Variants in GPC5 observed in about 807,000 individuals in gnomAD.
GPC5 encodes the protein glypican 5, also known as glypican-5.
GPC5 carries 47 observed loss-of-function variants against 53.9 expected under a neutral mutation model. The ratio of observed to expected loss-of-function variants is 0.87; its 90% CI spans 0.69 to 1.11. The LOEUF (loss-of-function observed/expected upper bound fraction) is 1.11, where lower values mean the gene tolerates loss of function less well. Ranked by LOEUF, GPC5 falls within the 50% of genes most tolerant of loss-of-function variation. The pLI, the probability that GPC5 is intolerant of heterozygous loss-of-function variation, is 0.00. For missense variants in GPC5, 748 were observed against 713.1 expected, an observed-to-expected ratio of 1.05 and a Z score of -0.56; for synonymous variants, 286 against 263.3, an observed-to-expected ratio of 1.09 and a Z score of -0.84.
intron 5 of GPC5, among the ~76,000 whole-genome samples, chr13:91,790,373 T>C (rs2037945511): frequency 6.6e-6 from 1 of 152,210 alleles, no homozygotes; most frequent in African/African-American, 2.4e-5. Flanking sequence ...TTAGTGATGC[T>C]TTTCTTGCCT....
chr13:92,187,238 T>C (rs1434591278), intron 7 of GPC5, among the ~76,000 whole-genome samples: 1 of 152,224 alleles, frequency 6.6e-6, no homozygotes, highest in East Asian at 1.9e-4. Context: ...AAGAATGGAT[T>C]GCAGTAGGTT....
intron 6 of GPC5, among the ~76,000 whole-genome samples, chr13:92,052,900 A>C (rs1200849834): frequency 6.6e-6 from 1 of 152,134 alleles, no homozygotes; most frequent in Non-Finnish European, 1.5e-5. Flanking sequence ...AGGAACCCTC[A>C]AGGGTCCCGA....
At chr13:92,039,521 G>A (rs1275762921) in intron 6 of GPC5, among the ~76,000 whole-genome samples, 2 of 152,212 alleles carry the variant, frequency 1.3e-5, no homozygotes, top group African/African-American at 4.8e-5. Flanking sequence ...GGAAATATTA[G>A]TTCAAGAAAA....
chr13:92,178,934 G>C (rs2042127507), intron 7 of GPC5, among the ~76,000 whole-genome samples: 1 of 152,082 alleles, frequency 6.6e-6, no homozygotes, highest in African/African-American at 2.4e-5. Flanking sequence ...TTGCACCTCT[G>C]TACTCCAGAC....
intron 5 of GPC5, among the ~76,000 whole-genome samples, chr13:91,766,724 G>A (rs1489640950): frequency 6.6e-6 from 1 of 152,126 alleles, no homozygotes; most frequent in East Asian, 1.9e-4. Context: ...ACTGTGTGTG[G>A]TGGCACATGC....
At chr13:91,758,573 G>C (rs2037344139) in intron 5 of GPC5, among the ~76,000 whole-genome samples, 1 of 152,006 alleles carries the variant, frequency 6.6e-6, no homozygotes, top group Admixed American at 6.6e-5. Context: ...AGTATTTTCA[G>C]CTCAATGAAT....
chr13:92,586,522 G>C (rs1312108040), intron 7 of GPC5, among the ~76,000 whole-genome samples: 1 of 152,216 alleles, frequency 6.6e-6, no homozygotes, highest in East Asian at 1.9e-4. Flanking sequence ...CATTTAAGCA[G>C]CCACTTTGGC....
chr13:92,424,145 A>AAATTTCTT (rs1380836806), intron 7 of GPC5, among the ~76,000 whole-genome samples: 1 of 152,128 alleles, frequency 6.6e-6, no homozygotes, highest in Non-Finnish European at 1.5e-5. Flanking sequence ...TAACAAATTA[A>AAATTTCTT]AATTTCTTCC....
At chr13:92,865,823 T>G (rs1879317737) in intron 7 of GPC5, among the ~76,000 whole-genome samples, 1 of 152,152 alleles carries the variant, frequency 6.6e-6, no homozygotes, top group Non-Finnish European at 1.5e-5. Flanking sequence ...AGGCCTACTT[T>G]ATTCTAATGT....
At chr13:92,132,044 T>C (rs2041748505) in intron 6 of GPC5, among the ~76,000 whole-genome samples, 1 of 152,142 alleles carries the variant, frequency 6.6e-6, no homozygotes, top group Non-Finnish European at 1.5e-5. Flanking sequence ...TGTAAACATA[T>C]TTTATTGGAT....
At chr13:92,589,237 C>G (rs1414100510) in intron 7 of GPC5, among the ~76,000 whole-genome samples, 1 of 152,192 alleles carries the variant, frequency 6.6e-6, no homozygotes, top group Non-Finnish European at 1.5e-5. Flanking sequence ...TGTACCAAAA[C>G]TTGGAGGAGG....
chr13:92,096,614 T>C (rs1190828463), intron 6 of GPC5, among the ~76,000 whole-genome samples: 1 of 152,204 alleles, frequency 6.6e-6, no homozygotes, highest in Non-Finnish European at 1.5e-5. Flanking sequence ...GATCAGAAGC[T>C]TATAAAAGGG....
chr13:91,559,639 G>A (rs772061582), intron 2 of GPC5, among the ~76,000 whole-genome samples: 1 of 152,074 alleles, frequency 6.6e-6, no homozygotes, highest in Non-Finnish European at 1.5e-5. Context: ...TGGCTGTATT[G>A]AACCCCTAAG....
intron 7 of GPC5, among the ~76,000 whole-genome samples, chr13:92,713,793 C>T (rs1933198): frequency 1 from 152,153 of 152,218 alleles, 76,044 homozygotes; most frequent in Middle Eastern, 1. Context: ...ATGTCTAAAA[C>T]AAGAAAAAGT....
chr13:91,651,270 C>T (rs1393918890), intron 2 of GPC5, among the ~76,000 whole-genome samples: 1 of 152,080 alleles, frequency 6.6e-6, no homozygotes, highest in Admixed American at 6.5e-5. Flanking sequence ...GGTCTACTCA[C>T]ATTCTGAATA....
chr13:92,192,985 G>T (rs920338964), intron 7 of GPC5, among the ~76,000 whole-genome samples: 3 of 152,090 alleles, frequency 2.0e-5, no homozygotes, highest in Admixed American at 1.3e-4. Context: ...GACCAGCCTG[G>T]CCAACATAGT....
intron 7 of GPC5, among the ~76,000 whole-genome samples, chr13:92,810,690 A>G (rs944685424): frequency 8.6e-5 from 13 of 151,744 alleles, no homozygotes; most frequent in African/African-American, 3.2e-4. Context: ...AATCATACGC[A>G]TTTATCTTTT....
chr13:92,545,942 A>G (rs977747641), intron 7 of GPC5, among the ~76,000 whole-genome samples: 2 of 152,022 alleles, frequency 1.3e-5, no homozygotes, highest in Middle Eastern at 3.2e-3. Context: ...CCATTTGTCA[A>G]TTTTGGCTTT....
intron 7 of GPC5, among the ~76,000 whole-genome samples, chr13:92,730,342 T>C (rs541845815): frequency 6.6e-6 from 1 of 151,560 alleles, no homozygotes; most frequent in Admixed American, 6.6e-5. Flanking sequence ...GTAATAAATT[T>C]CTGTTCTGTA....
Sources: allele counts gnomAD v4.1 joint callset (sites outside exome capture counted in the v4.1 genomes callset), GRCh38; gene constraint gnomAD v4.1.1; transcripts MANE v1.5; gene names NCBI Gene and HGNC (gene_info 2026-07-23, HGNC 2026-07-21).